Variants in PAX7 observed in about 807,000 individuals in gnomAD.
PAX7 encodes paired box protein Pax-7.
A neutral mutation model predicts 50.7 loss-of-function variants in PAX7; 18 were observed. That is an observed-to-expected ratio of 0.36 (90% confidence interval 0.25 to 0.53). The LOEUF is 0.53. Among genes scored for constraint, PAX7 ranks in the 20% least tolerant of loss-of-function variants. PAX7 has a pLI of 0.93. For synonymous variants in PAX7, 310 were observed against 290.4 expected (o/e 1.07, Z -0.69); for missense variants, 644 against 702.9 (o/e 0.92, Z 0.95).
At chr1:18,690,462 G>A (rs568622162) in intron 4 of PAX7, among the ~76,000 whole-genome samples, 18 of 152,318 alleles carry the variant, frequency 1.2e-4, no homozygotes, top group African/African-American at 4.3e-4. Flanking sequence ...CCCTCTGTTG[G>A]GTCAGACGTG....
rs78834166 is a variant in PAX7 at position 18,720,146 on chromosome 1, C to T, written c.1156-15486C>T. 3.2e-3 allele frequency among the ~76,000 whole-genome samples: 492 copies of T among 152,320 alleles called. 12 individuals are homozygous for T. The East Asian group carries it at 0.063, about 19-fold the overall frequency. ...ACTCCAAGTCTGTTCTGCACTTTAACGAGGTCCCTCCAAGGCTCTGCGTGC... is the reference window on the plus strand; with the variant it reads ...ACTCCAAGTCTGTTCTGCACTTTAATGAGGTCCCTCCAAGGCTCTGCGTGC... On this transcript the variant is annotated intron_variant, in intron 7 of 8. Transcript: ENST00000420770.
chr1:18,704,625 GATAA>G (rs1310440064), intron 7 of PAX7, among the ~76,000 whole-genome samples: 1 of 150,844 alleles, frequency 6.6e-6, no homozygotes, highest in African/African-American at 2.4e-5. Context: ...ATCTCAAAAA[GATAA>G]ATAAATAAAT....
At chr1:18,667,631 C>T (rs1185356904) in intron 4 of PAX7, among the ~76,000 whole-genome samples, 1 of 152,098 alleles carries the variant, frequency 6.6e-6, no homozygotes, top group Non-Finnish European at 1.5e-5. Flanking sequence ...TTAGTATCTA[C>T]AAGTCATGGA....
intron 7 of PAX7, among the ~76,000 whole-genome samples, chr1:18,725,245 C>T (rs886317103): frequency 1.3e-5 from 2 of 151,768 alleles, no homozygotes; most frequent in Non-Finnish European, 2.9e-5. Flanking sequence ...TGCCACCGCT[C>T]AGTCCCTGCC....
chr1:18,744,935 C>T lies in PAX7; in HGVS notation c.*6C>T, dbSNP rs1295655139. 6.7e-7 allele frequency: 1 copy of T among 1,495,182 alleles called. No individual in the cohort carries two copies. The highest frequency in any genetic ancestry group is 2.0e-5 in the Admixed American group (1 of 50,948). The allele number at this position is 1,495,182 out of a possible 1,614,324, so 92.6% of individuals were successfully genotyped here. The stretch of plus-strand genomic sequence containing the variant: ...AAACTGGCCAGGCCTACTAGGGCCC[C>T]TGGGGCGACTTGCCCCAGCCCAATT... On this transcript the variant is annotated 3_prime_UTR_variant, in exon 9 of 9. Coordinates refer to ENST00000420770, the MANE Select transcript of PAX7 (RefSeq NM_001135254.2).
rs1486912557 is a variant in PAX7, at chr1:18,631,589, C to G, written c.-15C>G. On this transcript the variant is annotated 5_prime_UTR_variant, in exon 1 of 9. Coordinates refer to ENST00000420770, the MANE Select transcript of PAX7 (RefSeq NM_001135254.2). ...ATTTTTGCCGACTTTGGATTCGTCCCCGGCGTGCGCAAGAATGGCGGCCCT... is the reference window on the plus strand; with the variant it reads ...ATTTTTGCCGACTTTGGATTCGTCCGCGGCGTGCGCAAGAATGGCGGCCCT... 1.2e-6 allele frequency: 2 copies of G among 1,609,542 alleles called. No homozygotes were observed. Among genetic ancestry groups the G allele is most frequent in the Non-Finnish European group, 8.5e-7 (1 of 1,178,338 alleles).
At chr1:18,713,074 T>A (rs1281464677) in intron 7 of PAX7, among the ~76,000 whole-genome samples, 6 of 151,804 alleles carry the variant, frequency 4.0e-5, no homozygotes, top group Non-Finnish European at 8.8e-5. Flanking sequence ...AGATCAAGAC[T>A]CCATCTCAAG....
chr1:18,659,060 A>G (rs972685406), intron 4 of PAX7, among the ~76,000 whole-genome samples: 5 of 152,236 alleles, frequency 3.3e-5, no homozygotes, highest in African/African-American at 9.6e-5. Context: ...ATTTGTGTGC[A>G]TGCATGTGAC....
chr1:18,690,899 G>A (rs777890782), intron 4 of PAX7, among the ~76,000 whole-genome samples: 7 of 152,186 alleles, frequency 4.6e-5, no homozygotes, highest in Non-Finnish European at 8.8e-5. Flanking sequence ...AGGAGGGGAG[G>A]TGGCCTTCCC....
Position 18,746,743 on chromosome 1 carries a change from G to T in PAX7, c.*1814G>T, listed in dbSNP as rs1328732855. On this transcript the variant is annotated 3_prime_UTR_variant, in exon 9 of 9. Transcript: ENST00000420770. The stretch of plus-strand genomic sequence containing the variant: ...GAGTTCCTCCCTCCTGGGAAGCTGG[G>T]TTGGCAAGATTCTAGGACACTCACC... 1.3e-5 allele frequency: 3 copies of T among 231,740 alleles called. No homozygotes were observed. Among genetic ancestry groups the T allele is most frequent in the Non-Finnish European group, 2.6e-5 (3 of 117,152 alleles). 14.4% of individuals were successfully genotyped at this position (231,740 alleles called of 1,614,324 possible).
chr1:18,744,892 T>A lies in PAX7; in HGVS notation c.1481T>A (p.Leu494Gln). The change falls in exon 9 of 9, where the codon CTG becomes CAG. Residue 494 changes from leucine (L) to glutamine (Q), a missense_variant. Transcript: ENST00000420770. ...AAGCTCGGGGAGCACTCTGCTGTGC[T>A]GGGACTCCTGCCTGTGGAAACTGGC... ...RMKLGEHSAV[L>Q]GLLPVETGQA... The A allele has an allele frequency of 6.4e-7, 1 of 1,555,330 alleles. No individual in the cohort carries two copies. Among genetic ancestry groups the A allele is most frequent in the East Asian group, 2.4e-5 (1 of 41,214 alleles).
intron 7 of PAX7, among the ~76,000 whole-genome samples, chr1:18,728,896 A>T (rs927383462): frequency 6.6e-6 from 1 of 151,504 alleles, no homozygotes; most frequent in African/African-American, 2.4e-5. Flanking sequence ...CCTGACCCCC[A>T]GACCCCCAAG....
chr1:18,666,661 G>GA (rs1353781797), intron 4 of PAX7, among the ~76,000 whole-genome samples: 1 of 152,140 alleles, frequency 6.6e-6, no homozygotes, highest in African/African-American at 2.4e-5. Flanking sequence ...GTGACTGAGG[G>GA]AGGCATCTAG....
At chr1:18,658,248 C>A (rs1170031996) in intron 4 of PAX7, among the ~76,000 whole-genome samples, 1 of 151,748 alleles carries the variant, frequency 6.6e-6, no homozygotes, top group Non-Finnish European at 1.5e-5. Context: ...CGCTCCTGCC[C>A]TCCCCCTCCC....
chr1:18,747,397 TG>T lies in PAX7; in HGVS notation c.*2469del, dbSNP rs1490426958. Reference sequence around the variant, plus strand: ...TTGGTAGAAAATGGGACTTATTCCTTGACAGGCCCCACCCCCTTCAGAAAGA... The same window carrying T: ...TTGGTAGAAAATGGGACTTATTCCTTACAGGCCCCACCCCCTTCAGAAAGA... On this transcript the variant is annotated 3_prime_UTR_variant, in exon 9 of 9. Transcript: ENST00000420770. 4.4e-6 allele frequency: 1 copy of T among 227,664 alleles called. No homozygotes were observed. The highest frequency in any genetic ancestry group is 8.7e-6 in the Non-Finnish European group (1 of 114,506). 14.1% of individuals were successfully genotyped at this position (227,664 alleles called of 1,614,324 possible).
At chr1:18,711,070 G>T (rs1474096791) in intron 7 of PAX7, among the ~76,000 whole-genome samples, 1 of 152,136 alleles carries the variant, frequency 6.6e-6, no homozygotes, top group Admixed American at 6.5e-5. Flanking sequence ...TCTCTTTCAG[G>T]CCTCCGCTTT....
intron 8 of PAX7, among the ~76,000 whole-genome samples, chr1:18,739,194 C>T (rs9439733): frequency 7.9e-5 from 12 of 152,164 alleles, no homozygotes; most frequent in East Asian, 1.9e-4. Flanking sequence ...CTCAGAGAGG[C>T]GAGGTAGCTT....
intron 8 of PAX7, among the ~76,000 whole-genome samples, chr1:18,741,143 A>G (rs1420286911): frequency 6.6e-6 from 1 of 152,214 alleles, no homozygotes; most frequent in African/African-American, 2.4e-5. Flanking sequence ...GAGGATTTGA[A>G]ACACATAGAA....
intron 6 of PAX7, 71 bp from the exon 7 acceptor site, chr1:18,703,023 C>T: frequency 2.1e-6 from 3 of 1,413,152 alleles, no homozygotes; most frequent in Non-Finnish European, 3.0e-6. Flanking sequence ...CTTGGCTTGC[C>T]TTCTGCTCTC....
Sources: gnomAD v4.1 joint callset for allele counts (sites outside exome capture counted in the v4.1 genomes callset) on GRCh38, gnomAD v4.1.1 for gene constraint, MANE v1.5 for transcripts, NCBI Gene and HGNC (gene_info 2026-07-23, HGNC 2026-07-21) for gene names.